Variants in TNRC6B observed in about 807,000 individuals in gnomAD.
TNRC6B encodes the protein trinucleotide repeat-containing gene 6B protein.
TNRC6B carries 52 observed loss-of-function variants against 203.6 expected under a neutral mutation model. That is an observed-to-expected ratio of 0.26 (90% CI 0.20 to 0.32). TNRC6B has a LOEUF of 0.32. Ranked by LOEUF, TNRC6B falls within the 10% of genes least tolerant of loss-of-function variation. The probability of loss-of-function intolerance (pLI) is 1.00; values close to 1 mark genes in which losing one functional copy is unlikely to be tolerated. For missense variants in TNRC6B, 1,923 were observed against 2,286.2 expected (o/e 0.84, Z 3.24); for synonymous variants, 838 against 845.7 (o/e 0.99, Z 0.16).
chr22:40,065,591 C>T (rs983539762), intron 1 of TNRC6B, among the ~76,000 whole-genome samples: 1 of 152,052 alleles, frequency 6.6e-6, no homozygotes, highest in Admixed American at 6.6e-5. Flanking sequence ...TGTTGGCATA[C>T]AGTTCATGTC....
At chr22:40,227,777 T>C (rs958968469) in intron 1 of TNRC6B, among the ~76,000 whole-genome samples, 2 of 152,128 alleles carry the variant, frequency 1.3e-5, no homozygotes, top group African/African-American at 4.8e-5. Flanking sequence ...TCGAACCATA[T>C]GTGGAGGAAA....
chr22:40,201,998 G>A (rs911316766), intron 1 of TNRC6B, among the ~76,000 whole-genome samples: 1 of 152,212 alleles, frequency 6.6e-6, no homozygotes, highest in Non-Finnish European at 1.5e-5. Flanking sequence ...ATAGTTAGGC[G>A]AGCTTTGCTC....
At chr22:40,152,123 G>C (rs1022380402) in intron 3 of TNRC6B, among the ~76,000 whole-genome samples, 2 of 152,064 alleles carry the variant, frequency 1.3e-5, no homozygotes, top group African/African-American at 4.8e-5. Flanking sequence ...GCTCCTAAAA[G>C]GGTTTTTTGT....
chr22:40,136,790 G>A (rs1006098493), intron 3 of TNRC6B, among the ~76,000 whole-genome samples: 1 of 152,042 alleles, frequency 6.6e-6, no homozygotes, highest in Admixed American at 6.6e-5. Flanking sequence ...AAGTACCCAC[G>A]TGTTTCTACT....
At chr22:40,154,722 T>C (rs1189074301) in intron 3 of TNRC6B, among the ~76,000 whole-genome samples, 1 of 145,628 alleles carries the variant, frequency 6.9e-6, no homozygotes, top group African/African-American at 2.5e-5. Context: ...GTACCTGTAG[T>C]CCCAGCTGCT....
intron 12 of TNRC6B, among the ~76,000 whole-genome samples, chr22:40,290,236 T>G (rs1430954864): frequency 6.6e-6 from 1 of 152,228 alleles, no homozygotes. Context: ...AAATTTTATT[T>G]TAATTAACTT....
intron 1 of TNRC6B, among the ~76,000 whole-genome samples, chr22:40,046,558 A>G (rs1306682531): frequency 6.6e-6 from 1 of 152,058 alleles, no homozygotes; most frequent in African/African-American, 2.4e-5. Flanking sequence ...CTGTGGTAAC[A>G]TATAAATGTC....
chr22:40,197,716 C>T (rs2069360046), intron 1 of TNRC6B, among the ~76,000 whole-genome samples: 1 of 151,412 alleles, frequency 6.6e-6, no homozygotes, highest in African/African-American at 2.4e-5. Flanking sequence ...CTGAGATCCT[C>T]CTGTCTCAGC....
intron 1 of TNRC6B, among the ~76,000 whole-genome samples, chr22:40,225,637 G>T (rs921521370): frequency 7.3e-5 from 11 of 151,152 alleles, no homozygotes; most frequent in African/African-American, 2.4e-4. Flanking sequence ...CAGCTACGCG[G>T]GAGGCTGAGG....
At chr22:40,101,005 T>TC (rs201006000) in intron 1 of TNRC6B, among the ~76,000 whole-genome samples, 1 of 146,238 alleles carries the variant, frequency 6.8e-6, no homozygotes, top group Non-Finnish European at 1.5e-5. Flanking sequence ...TTTTTTTTTT[T>TC]CCTTTGAGAT....
Position 40,316,000 on chromosome 22 carries a change from T to G in TNRC6B, c.4962T>G (p.Asn1654Lys). 6.2e-7 allele frequency: 1 copy of G among 1,613,794 alleles called. No homozygotes were observed. Among genetic ancestry groups the G allele is most frequent in the Non-Finnish European group, 8.5e-7 (1 of 1,179,732 alleles). ...VRPSYWLVLHNLTPQIDGSTL... is the reference protein window; with the variant it reads ...VRPSYWLVLHKLTPQIDGSTL... ...CTAGTTACTGGCTGGTTCTTCACAA[T>G]CTCACCCCACAGGTAATTATGCTTT... Residue 1654 changes from asparagine (N) to lysine (K), a missense_variant, in exon 21 of 23, where the codon AAT (asparagine) becomes AAG (lysine). Asn to Lys is a moderately conservative substitution (Grantham distance 94). This residue lies in a region of TNRC6B where 34 missense variants were observed against 98.5 expected (regional missense o/e 0.35). Transcript: ENST00000454349.
At chr22:40,179,002 A>G (rs1308578931) in intron 1 of TNRC6B, among the ~76,000 whole-genome samples, 5 of 152,200 alleles carry the variant, frequency 3.3e-5, no homozygotes, top group Non-Finnish European at 7.3e-5. Context: ...AATTTTACAC[A>G]GATGCAAAAC....
chr22:40,148,696 G>A (rs900747291), intron 3 of TNRC6B, among the ~76,000 whole-genome samples: 4 of 84,230 alleles, frequency 4.7e-5, no homozygotes, highest in African/African-American at 1.4e-4. Context: ...TTAGAATGTC[G>A]TCTTACTTGG....
At chr22:40,318,314 G>GAGGCCA (rs1158903396) in intron 21 of TNRC6B, among the ~76,000 whole-genome samples, 1 of 152,134 alleles carries the variant, frequency 6.6e-6, no homozygotes, top group Non-Finnish European at 1.5e-5. Context: ...TTGGGAGGCC[G>GAGGCCA]AGGCGGGCAG....
intron 1 of TNRC6B, among the ~76,000 whole-genome samples, chr22:40,186,606 C>A (rs1009783164): frequency 2.0e-5 from 3 of 151,670 alleles, no homozygotes; most frequent in Admixed American, 2.0e-4. Context: ...GGCGTGGTGG[C>A]GGATGCCTGT....
chr22:40,300,773 C>T lies in TNRC6B; in HGVS notation c.3841-137C>T, dbSNP rs535359907. ...ACTGGAGGAAAATGTAACCAAGAGA[C>T]CGGGAATTTGGTGTTACTTCCCTCC... On this transcript the variant is annotated intron_variant, in intron 13 of 22. Coordinates refer to ENST00000454349, the MANE Select transcript of TNRC6B (RefSeq NM_001162501.2). 36 of 1,209,972 alleles carry T rather than the reference C, an allele frequency of 3.0e-5. No homozygotes were observed. In the African/African-American group the frequency reaches 3.8e-4, roughly 13 times the overall value. The allele number at this position is 1,209,972 out of a possible 1,614,324, so 75.0% of individuals were successfully genotyped here. A position where few individuals can be genotyped will look rare whatever the true frequency, so the allele number is the denominator to read the frequency against.
intron 2 of TNRC6B, among the ~76,000 whole-genome samples, chr22:40,122,747 G>T (rs1304551218): frequency 6.6e-6 from 1 of 152,182 alleles, no homozygotes; most frequent in Non-Finnish European, 1.5e-5. Context: ...GAAAGAATAA[G>T]AATTCAGAGT....
intron 9 of TNRC6B, 124 bp from the exon 10 acceptor site, chr22:40,279,871 C>T: frequency 1.3e-6 from 1 of 772,078 alleles, no homozygotes; most frequent in African/African-American, 1.7e-5. Context: ...GTCTTATCCC[C>T]AGAAATAGAA....
At chr22:40,313,085 G>C in intron 19 of TNRC6B, 88 bp downstream of exon 19, 1 of 1,030,560 alleles carries the variant, frequency 9.7e-7, no homozygotes, top group Non-Finnish European at 1.5e-6. Context: ...TATTTCATAA[G>C]ATATACTCTT....
Sources: gnomAD v4.1 joint callset for allele counts (sites outside exome capture counted in the v4.1 genomes callset) on GRCh38, gnomAD v4.1.1 for gene constraint, gnomAD v4.1.1 regional missense constraint, MANE v1.5 for transcripts, NCBI Gene and HGNC (gene_info 2026-07-23, HGNC 2026-07-21) for gene names.